ATP13A5: variants seen among roughly 807,000 people sequenced by gnomAD.
The protein encoded by ATP13A5 is ATPase 13A5, also known as probable cation-transporting ATPase 13A5.
Under a neutral mutation model 150.2 loss-of-function variants are expected in ATP13A5, and 149 were observed. The observed-to-expected ratio is 0.99, with a 90% CI of 0.87 to 1.14. The LOEUF (loss-of-function observed/expected upper bound fraction) is 1.14, where lower values mean the gene tolerates loss of function less well. Ranked by LOEUF, ATP13A5 falls within the 50% of genes most tolerant of loss-of-function variation. The pLI, the probability that ATP13A5 is intolerant of heterozygous loss-of-function variation, is 0.00. For synonymous variants in ATP13A5, 497 were observed against 522.2 expected (o/e 0.95, Z 0.66); for missense variants, 1,383 against 1,449.3 (o/e 0.95, Z 0.74).
rs1171478456 is a variant in ATP13A5 at position 193,362,744 on chromosome 3, GCTTTCCTT to G, written c.385-115_385-108del. 1.1e-4 allele frequency: 80 copies of G among 715,784 alleles called. 1 individual carries two copies. Among genetic ancestry groups the G allele is most frequent in the Non-Finnish European group, 1.6e-4 (70 of 442,432 alleles). The allele number at this position is 715,784 out of a possible 1,614,324, so 44.3% of individuals were successfully genotyped here. A position where few individuals can be genotyped will look rare whatever the true frequency, so the allele number is the denominator to read the frequency against. ...GCAGATCCCCTTGTGGGTCTCACTTGCTTTCCTTCTTTCTTTCTTTCTTTCTTTCTTTC... is the reference window on the plus strand; with the variant it reads ...GCAGATCCCCTTGTGGGTCTCACTTGCTTTCTTTCTTTCTTTCTTTCTTTC... On this transcript the variant is annotated intron_variant, in intron 3 of 29. Transcript: ENST00000342358.
intron 7 of ATP13A5, among the ~76,000 whole-genome samples, chr3:193,348,625 A>G (rs1322800057): frequency 6.6e-6 from 1 of 152,202 alleles, no homozygotes; most frequent in Non-Finnish European, 1.5e-5. Context: ...GGGCCCCAGT[A>G]GATGCAGAAA....
At chr3:193,290,337 T>A (rs894864764) in intron 25 of ATP13A5, among the ~76,000 whole-genome samples, 1 of 152,074 alleles carries the variant, frequency 6.6e-6, no homozygotes, top group Non-Finnish European at 1.5e-5. Context: ...AACTATTTCC[T>A]CCATAACCAG....
intron 2 of ATP13A5, among the ~76,000 whole-genome samples, chr3:193,363,591 A>G (rs2108902230): frequency 6.6e-6 from 1 of 152,336 alleles, no homozygotes; most frequent in Admixed American, 6.5e-5. Flanking sequence ...TGTTTCAATG[A>G]GCCCTCCAGA....
At chr3:193,307,119 T>C (rs1301316387) in intron 22 of ATP13A5, 2 of 1,398,398 alleles carry the variant, frequency 1.4e-6, no homozygotes, top group Non-Finnish European at 1.9e-6. Context: ...TTTATTATTC[T>C]AGGAGTTTCC....
intron 14 of ATP13A5, among the ~76,000 whole-genome samples, 159 bp from the exon 15 acceptor site, chr3:193,322,733 G>A (rs1261801074): frequency 6.6e-6 from 1 of 152,152 alleles, no homozygotes; most frequent in Non-Finnish European, 1.5e-5. Context: ...AATTTCTGTT[G>A]TATCGATTTA....
At chr3:193,375,420 G>C (rs1166133037) in intron 1 of ATP13A5, among the ~76,000 whole-genome samples, 2 of 152,154 alleles carry the variant, frequency 1.3e-5, no homozygotes, top group Non-Finnish European at 2.9e-5. Flanking sequence ...GGCTCCTGTG[G>C]GCTCTTAGTG....
At chr3:193,293,238 G>A (rs574952569) in intron 25 of ATP13A5, among the ~76,000 whole-genome samples, 3 of 152,158 alleles carry the variant, frequency 2.0e-5, no homozygotes, top group Admixed American at 2.0e-4. Flanking sequence ...TACAAGCTTG[G>A]ACAGTAGTAC....
intron 17 of ATP13A5, among the ~76,000 whole-genome samples, chr3:193,315,422 C>T (rs1215993659): frequency 6.6e-6 from 1 of 152,002 alleles, no homozygotes; most frequent in African/African-American, 2.4e-5. Context: ...TTTCTCAGTG[C>T]TTTGTCTTTT....
chr3:193,321,041 C>T (rs1022029447), intron 16 of ATP13A5, among the ~76,000 whole-genome samples: 12 of 152,196 alleles, frequency 7.9e-5, no homozygotes, highest in Non-Finnish European at 1.2e-4. Context: ...GCAGAACTTA[C>T]CTAGCGTCCA....
chr3:193,289,531 T>G (rs1375954761), intron 26 of ATP13A5, among the ~76,000 whole-genome samples: 1 of 152,006 alleles, frequency 6.6e-6, no homozygotes, highest in Non-Finnish European at 1.5e-5. Context: ...AACAGTGGAG[T>G]TGACTAGCTG....
chr3:193,333,533 C>A (rs754558482), intron 11 of ATP13A5, among the ~76,000 whole-genome samples: 1 of 152,210 alleles, frequency 6.6e-6, no homozygotes, highest in Non-Finnish European at 1.5e-5. Flanking sequence ...CTAACCAGAA[C>A]ACATGGGAAA....
intron 6 of ATP13A5, among the ~76,000 whole-genome samples, chr3:193,353,541 C>G (rs756479639): frequency 3.9e-5 from 6 of 152,060 alleles, no homozygotes; most frequent in Non-Finnish European, 7.4e-5. Flanking sequence ...TAGGTTGAAG[C>G]CCTAACCCCC....
intron 1 of ATP13A5, among the ~76,000 whole-genome samples, chr3:193,374,837 T>G (rs1460448119): frequency 6.6e-6 from 1 of 152,152 alleles, no homozygotes; most frequent in Non-Finnish European, 1.5e-5. Context: ...GAATGTTGTT[T>G]TCACCCTAGT....
At chr3:193,366,460 A>C (rs921824130) in intron 1 of ATP13A5, among the ~76,000 whole-genome samples, 3 of 152,092 alleles carry the variant, frequency 2.0e-5, no homozygotes, top group African/African-American at 7.2e-5. Flanking sequence ...ACTATCACAC[A>C]AATTATATTT....
In ATP13A5 at chr3:193,321,985, G is replaced by A. The variant is rs1719298228; in HGVS notation, c.1759-148C>T. The A allele has an allele frequency of 4.2e-6, 4 of 956,876 alleles. No individual in the cohort carries two copies. The East Asian group carries it at 7.9e-5, about 19-fold the overall frequency. 59.3% of individuals were successfully genotyped at this position (956,876 alleles called of 1,614,324 possible). ...CAACATTGATTTTGTGTGTGTGTGT[G>A]TGGCTGCCTTAAAGTGACTCCCTCA... On this transcript the variant is annotated intron_variant, in intron 15 of 29. Coordinates refer to ENST00000342358, the MANE Select transcript of ATP13A5 (RefSeq NM_198505.4).
intron 15 of ATP13A5, 128 bp downstream of exon 15, chr3:193,322,363 C>A: frequency 1.3e-6 from 1 of 751,472 alleles, no homozygotes; most frequent in Admixed American, 2.3e-5. Context: ...ATGAAAGAAA[C>A]AGCAAACCAA....
intron 27 of ATP13A5, among the ~76,000 whole-genome samples, chr3:193,284,601 A>G (rs910902116): frequency 9.2e-5 from 14 of 152,224 alleles, no homozygotes; most frequent in African/African-American, 3.1e-4. Context: ...AAAGAGGTTA[A>G]TTTGCATTTG....
chr3:193,326,192 A>G (rs1337940213), intron 13 of ATP13A5, among the ~76,000 whole-genome samples: 1 of 152,228 alleles, frequency 6.6e-6, no homozygotes, highest in Non-Finnish European at 1.5e-5. Context: ...TAGGGTACTT[A>G]GAGCTTAAGA....
chr3:193,373,801 T>C (rs1713537136), intron 1 of ATP13A5, among the ~76,000 whole-genome samples: 1 of 152,202 alleles, frequency 6.6e-6, no homozygotes, highest in South Asian at 2.1e-4. Flanking sequence ...AAGCCCAGGT[T>C]TGCTCTCTCA....
Sources: allele counts gnomAD v4.1 joint callset (sites outside exome capture counted in the v4.1 genomes callset), GRCh38; gene constraint gnomAD v4.1.1; transcripts MANE v1.5; gene names NCBI Gene and HGNC (gene_info 2026-07-23, HGNC 2026-07-21).